Variants in PRKAG2 observed in about 807,000 individuals in gnomAD.
PRKAG2 encodes the protein 5'-AMP-activated protein kinase subunit gamma-2.
A neutral mutation model predicts 69.6 loss-of-function variants in PRKAG2; 26 were observed. The observed-to-expected ratio is 0.37, with a 90% CI of 0.27 to 0.52. The LOEUF (loss-of-function observed/expected upper bound fraction) is 0.52. Ranked by LOEUF, PRKAG2 falls within the 20% of genes least tolerant of loss-of-function variation. The pLI is 0.90. For synonymous variants in PRKAG2, 293 were observed against 285.0 expected (o/e 1.03, Z -0.28); for missense variants, 557 against 740.0 (o/e 0.75, Z 2.87).
chr7:151,707,977 C>G (rs1463160602), intron 3 of PRKAG2, among the ~76,000 whole-genome samples: 1 of 152,206 alleles, frequency 6.6e-6, no homozygotes, highest in African/African-American at 2.4e-5. Context: ...GGAGGACGCA[C>G]AGAGAAAACA....
intron 6 of PRKAG2, among the ~76,000 whole-genome samples, chr7:151,582,320 T>C (rs1200204373): frequency 1.3e-5 from 2 of 152,060 alleles, no homozygotes; most frequent in Non-Finnish European, 2.9e-5. Flanking sequence ...TAGCTTTTTA[T>C]TTTGTTATTT....
At chr7:151,803,692 C>A (rs552536319) in intron 1 of PRKAG2, among the ~76,000 whole-genome samples, 2 of 151,690 alleles carry the variant, frequency 1.3e-5, no homozygotes, top group East Asian at 3.9e-4. Context: ...CTGAGAGCAA[C>A]GGCTATATTA....
At chr7:151,752,544 C>T (rs953003286) in intron 3 of PRKAG2, among the ~76,000 whole-genome samples, 1 of 152,096 alleles carries the variant, frequency 6.6e-6, no homozygotes, top group Non-Finnish European at 1.5e-5. Context: ...AACAAACATT[C>T]ACATGGACCC....
chr7:151,558,967 T>G, intron 15 of PRKAG2: 2 of 985,460 alleles, frequency 2.0e-6, no homozygotes, highest in African/African-American at 1.7e-5. Flanking sequence ...AGACAAGAGC[T>G]GACATTCAGC....
chr7:151,817,607 G>A (rs1327941340), intron 1 of PRKAG2, among the ~76,000 whole-genome samples: 1 of 152,174 alleles, frequency 6.6e-6, no homozygotes, highest in African/African-American at 2.4e-5. Context: ...TCCCTAGAAA[G>A]CCTAGCCCTG....
At chr7:151,561,985 G>A (rs1220628340) in intron 14 of PRKAG2, among the ~76,000 whole-genome samples, 1 of 146,576 alleles carries the variant, frequency 6.8e-6, no homozygotes, top group African/African-American at 2.5e-5. Context: ...GGTGGCTCAC[G>A]CCTGTAATCC....
chr7:151,650,569 T>A lies in PRKAG2; in HGVS notation c.685-18431A>T, dbSNP rs1216116921. Among the ~76,000 whole-genome samples, 4 of 152,288 alleles carry A rather than the reference T, an allele frequency of 2.6e-5. No homozygotes were observed. The East Asian group carries it at 7.7e-4, about 29-fold the overall frequency. ...GCAGTTTGAAAACTGGCCAGAGGAC[T>A]CCTGAGGGTCCATGAAACCTTTTCA... On this transcript the variant is annotated intron_variant, in intron 4 of 15. Transcript: ENST00000287878.
chr7:151,730,023 G>C (rs1798679137), intron 3 of PRKAG2, among the ~76,000 whole-genome samples: 1 of 152,242 alleles, frequency 6.6e-6, no homozygotes, highest in African/African-American at 2.4e-5. Context: ...GCTGGGGTCA[G>C]GGGAGTGGGG....
intron 1 of PRKAG2, among the ~76,000 whole-genome samples, chr7:151,829,028 A>G (rs78908008): frequency 0.026 from 3,950 of 152,336 alleles, 151 homozygotes; most frequent in African/African-American, 0.09. Context: ...AACAAAAGAA[A>G]AAACAAAAGC....
chr7:151,642,928 G>C (rs1320900216), intron 4 of PRKAG2, among the ~76,000 whole-genome samples: 1 of 152,190 alleles, frequency 6.6e-6, no homozygotes, highest in South Asian at 2.1e-4. Flanking sequence ...CCCAGAACCA[G>C]GGTAGTTGGT....
intron 6 of PRKAG2, among the ~76,000 whole-genome samples, chr7:151,585,332 C>A (rs1051380524): frequency 6.6e-6 from 1 of 152,146 alleles, no homozygotes; most frequent in African/African-American, 2.4e-5. Context: ...TTTGGTTCAA[C>A]GGCTCAACAG....
rs1837252719 is a variant in PRKAG2 at position 151,699,250 on chromosome 7, A to G, written c.467-23613T>C. Reference sequence around the variant, plus strand: ...AGACTCTTGAGAAACCGAATGAACAATATTTCTGAAGATCTCCCACGAAGG... The same window carrying G: ...AGACTCTTGAGAAACCGAATGAACAGTATTTCTGAAGATCTCCCACGAAGG... On this transcript the variant is annotated intron_variant, in intron 3 of 15. Transcript: ENST00000287878. This position sits in a 1 kb window ranked among gnomAD's most constrained non-coding sequence, Gnocchi z 4.5. 6.6e-6 allele frequency among the ~76,000 whole-genome samples: 1 copy of G among 152,164 alleles called. No individual in the cohort carries two copies. Among genetic ancestry groups the G allele is most frequent in the African/African-American group, 2.4e-5 (1 of 41,436 alleles).
rs1220899353 is a variant in PRKAG2, at chr7:151,786,539, G to A, written c.117C>T (p.Asp39=). The A allele has an allele frequency of 2.5e-6, 4 of 1,611,944 alleles. No individual in the cohort carries two copies. Among genetic ancestry groups the A allele is most frequent in the South Asian group, 1.1e-5 (1 of 90,314 alleles). ...GGAGCGGCATGGCGAAGGAGCTCAG[G>A]TCCTAGGGTGGACAGAGAGCACGTG... ...KRRSLRVHIP[D]LSSFAMPLLD... is the part of the protein sequence containing the mutation. Residue 39 remains aspartate, a splice_region_variant and synonymous_variant, in exon 2 of 16, where the codon GAC becomes GAT. Transcript: ENST00000287878.
intron 3 of PRKAG2, among the ~76,000 whole-genome samples, chr7:151,680,291 G>T (rs528991100): frequency 6.6e-6 from 1 of 152,282 alleles, no homozygotes; most frequent in South Asian, 2.1e-4. Context: ...TAAAAGCAGA[G>T]CCTGGAGACG....
Position 151,699,145 on chromosome 7 carries a change from CT to C in PRKAG2, c.467-23509del, listed in dbSNP as rs34520418. Among the ~76,000 whole-genome samples the C allele has an allele frequency of 0.11, 16,575 of 152,268 alleles. 959 individuals carry two copies. The highest frequency in any genetic ancestry group is 0.23 in the East Asian group (1,180 of 5,180). On this transcript the variant is annotated intron_variant, in intron 3 of 15. Transcript: ENST00000287878. The surrounding 1 kb of genome is among the most constrained non-coding windows in gnomAD (Gnocchi z 4.5). ...TAGGCCACCTTTCCTTCTCTGACCTCTGTCCCCATCCCTGCCCCAAGTTGTG... is the reference window on the plus strand; with the variant it reads ...TAGGCCACCTTTCCTTCTCTGACCTCGTCCCCATCCCTGCCCCAAGTTGTG...
chr7:151,757,567 T>A (rs2075167959), intron 3 of PRKAG2, among the ~76,000 whole-genome samples: 1 of 152,234 alleles, frequency 6.6e-6, no homozygotes, highest in East Asian at 1.9e-4. Flanking sequence ...TCGGTCATAA[T>A]TGTGAGCTAG....
At chr7:151,569,923 T>C (rs564036193) in intron 10 of PRKAG2, among the ~76,000 whole-genome samples, 14 of 152,318 alleles carry the variant, frequency 9.2e-5, no homozygotes, top group African/African-American at 3.1e-4. Context: ...GCCCCCCAGA[T>C]TGGCCGAGAT....
intron 1 of PRKAG2, among the ~76,000 whole-genome samples, chr7:151,841,633 AGTAGTGATG>A (rs2079289765): frequency 7.8e-6 from 1 of 127,590 alleles, no homozygotes; most frequent in African/African-American, 3.1e-5. Flanking sequence ...TGGTAGTGAT[AGTAGTGATG>A]GTAGGTAGTG....
intron 4 of PRKAG2, among the ~76,000 whole-genome samples, chr7:151,654,433 C>T (rs1365120791): frequency 1.3e-5 from 2 of 152,272 alleles, no homozygotes; most frequent in Middle Eastern, 3.4e-3. Context: ...ATGCACCTTG[C>T]CCCCAAACCC....
Sources: allele counts gnomAD v4.1 joint callset (sites outside exome capture counted in the v4.1 genomes callset), GRCh38; gene constraint gnomAD v4.1.1; non-coding constraint Gnocchi (gnomAD v3.1); transcripts MANE v1.5; gene names NCBI Gene and HGNC (gene_info 2026-07-23, HGNC 2026-07-21).